The following EEFSEC variants were observed in gnomAD, a reference collection of about 807,000 sequenced individuals.
EEFSEC encodes eukaryotic elongation factor, selenocysteine-tRNA specific.
A neutral mutation model predicts 42.1 loss-of-function variants in EEFSEC; 43 were observed. The ratio of observed to expected loss-of-function variants is 1.02; its 90% CI spans 0.80 to 1.32. The LOEUF is 1.32. EEFSEC is among the 40% of genes most tolerant of loss of function. The pLI is 0.00. For synonymous variants in EEFSEC, 354 were observed against 339.1 expected (o/e 1.04, Z -0.48); for missense variants, 745 against 803.6 (o/e 0.93, Z 0.88).
chr3:128,292,634 G>T (rs2066656255), intron 4 of EEFSEC, among the ~76,000 whole-genome samples: 1 of 151,556 alleles, frequency 6.6e-6, no homozygotes, highest in African/African-American at 2.4e-5. Context: ...AATGTTTTTT[G>T]AATCTGTAGT....
chr3:128,273,113 G>A (rs984429403), intron 4 of EEFSEC, among the ~76,000 whole-genome samples: 1 of 152,188 alleles, frequency 6.6e-6, no homozygotes, highest in African/African-American at 2.4e-5. Context: ...TCTGCATCTT[G>A]TCTTTTCTTT....
intron 4 of EEFSEC, among the ~76,000 whole-genome samples, chr3:128,329,968 G>A (rs908821699): frequency 3.3e-5 from 5 of 152,184 alleles, no homozygotes; most frequent in Non-Finnish European, 4.4e-5. Context: ...GCTCCATGGC[G>A]GTGATGGCTT....
At chr3:128,282,788 C>T (rs963397725) in intron 4 of EEFSEC, among the ~76,000 whole-genome samples, 1 of 152,190 alleles carries the variant, frequency 6.6e-6, no homozygotes, top group Non-Finnish European at 1.5e-5. Flanking sequence ...TAGGCTGGCT[C>T]TGCCGCTGGT....
At position 128,278,917 on chromosome 3, in the gene EEFSEC, GGCAGCTGCTGCT is replaced by G. The variant is rs2066495689; in HGVS notation, c.786+14139_786+14150del. 2.0e-5 allele frequency among the ~76,000 whole-genome samples: 3 copies of G among 152,332 alleles called. No homozygotes were observed. In the South Asian group the frequency reaches 6.2e-4, roughly 32 times the overall value. The stretch of plus-strand genomic sequence containing the variant: ...TTGCAGCCTCCAATGCTGCTGCTGT[GGCAGCTGCTGCT>G]GCGAAACAAACCAGGGTGACTGGGC... On this transcript the variant is annotated intron_variant, in intron 4 of 6. Transcript: ENST00000254730.
At position 128,352,237 on chromosome 3, in the gene EEFSEC, G is replaced by A. The variant is rs58539904; in HGVS notation, c.1444-5980G>A. On this transcript the variant is annotated intron_variant, in intron 5 of 6. Coordinates refer to ENST00000254730, the MANE Select transcript of EEFSEC (RefSeq NM_021937.5). ...CTTCCTGAAGTTCTCCAGAGATGTA[G>A]GCCTCACAGCATCCTGTAGGAATGT... Among the ~76,000 whole-genome samples the A allele has an allele frequency of 7.9e-3, 1,204 of 152,330 alleles. 18 individuals are homozygous for A. Among genetic ancestry groups the A allele is most frequent in the African/African-American group, 0.028 (1,153 of 41,564 alleles).
At chr3:128,268,325 T>G (rs2066376910) in intron 4 of EEFSEC, among the ~76,000 whole-genome samples, 1 of 152,166 alleles carries the variant, frequency 6.6e-6, no homozygotes. Context: ...ATGATGACAT[T>G]AGGAACTTTT....
intron 1 of EEFSEC, among the ~76,000 whole-genome samples, chr3:128,241,096 T>A (rs1278665322): frequency 6.6e-6 from 1 of 152,134 alleles, no homozygotes; most frequent in Non-Finnish European, 1.5e-5. Context: ...AGGGTACTGT[T>A]GTAGAGCAAA....
At chr3:128,373,576 C>T (rs2067677916) in intron 6 of EEFSEC, among the ~76,000 whole-genome samples, 1 of 152,156 alleles carries the variant, frequency 6.6e-6, no homozygotes, top group African/African-American at 2.4e-5. Flanking sequence ...GGTGAGCAAC[C>T]CCTAGCTGGG....
At chr3:128,319,076 G>A (rs2066979646) in intron 4 of EEFSEC, among the ~76,000 whole-genome samples, 1 of 152,204 alleles carries the variant, frequency 6.6e-6, no homozygotes, top group Non-Finnish European at 1.5e-5. Flanking sequence ...CCATCAGAAA[G>A]AGAAAGCCTG....
intron 6 of EEFSEC, among the ~76,000 whole-genome samples, chr3:128,377,594 G>A (rs1189959147): frequency 1.3e-5 from 2 of 152,224 alleles, no homozygotes; most frequent in Non-Finnish European, 1.5e-5. Flanking sequence ...ACCTTGCCAA[G>A]GCCTTAATGG....
At chr3:128,312,568 G>T (rs960414852) in intron 4 of EEFSEC, among the ~76,000 whole-genome samples, 1 of 152,384 alleles carries the variant, frequency 6.6e-6, no homozygotes, top group South Asian at 2.1e-4. Context: ...AAGGACAGAG[G>T]CGTCCATGGT....
chr3:128,316,724 G>C (rs1576631782), intron 4 of EEFSEC, among the ~76,000 whole-genome samples: 1 of 152,168 alleles, frequency 6.6e-6, no homozygotes, highest in Non-Finnish European at 1.5e-5. Flanking sequence ...AGCAGCGTGG[G>C]GTTACCGCCC....
intron 6 of EEFSEC, among the ~76,000 whole-genome samples, chr3:128,376,036 C>G (rs140331235): frequency 6.6e-6 from 1 of 152,220 alleles, no homozygotes; most frequent in Non-Finnish European, 1.5e-5. Context: ...TGCCCTCCTT[C>G]AGGCAGCTGT....
chr3:128,391,170 T>A lies in EEFSEC; in HGVS notation c.1601-16899T>A, dbSNP rs1049742398. ...AGTAGGTGCTCGCTAGCATTCTTGA[T>A]TAAATGAATGCACAGACTCCCTGGC... On this transcript the variant is annotated intron_variant, in intron 6 of 6. Transcript: ENST00000254730. Among the ~76,000 whole-genome samples the A allele has an allele frequency of 4.6e-5, 7 of 152,376 alleles. No homozygotes were observed. In the South Asian group the frequency reaches 1.2e-3, roughly 27 times the overall value.
downstream of EEFSEC, among the ~76,000 whole-genome samples, chr3:128,410,118 G>A (rs2107644186): frequency 6.6e-6 from 1 of 152,318 alleles, no homozygotes; most frequent in African/African-American, 2.4e-5. Context: ...TGCTGTCCAG[G>A]CTGGTCACCT....
chr3:128,351,632 G>A (rs1341160621), intron 5 of EEFSEC, among the ~76,000 whole-genome samples: 1 of 152,188 alleles, frequency 6.6e-6, no homozygotes, highest in African/African-American at 2.4e-5. Flanking sequence ...CAATTCCCAA[G>A]CCTCATCATG....
intron 4 of EEFSEC, among the ~76,000 whole-genome samples, chr3:128,277,665 T>G (rs961974897): frequency 6.7e-6 from 1 of 148,888 alleles, no homozygotes; most frequent in African/African-American, 2.5e-5. Flanking sequence ...ATGTGTAGAT[T>G]AGGGTGAATC....
intron 4 of EEFSEC, among the ~76,000 whole-genome samples, chr3:128,270,930 G>T (rs2066406856): frequency 6.6e-6 from 1 of 152,134 alleles, no homozygotes; most frequent in South Asian, 2.1e-4. Context: ...TGGTCTCCCT[G>T]GGGGCAGAAG....
intron 1 of EEFSEC, among the ~76,000 whole-genome samples, chr3:128,161,503 G>A (rs139898370): frequency 0.011 from 1,631 of 152,168 alleles, 17 homozygotes; most frequent in Non-Finnish European, 0.016. Context: ...TGCCTCCTGC[G>A]TGGGTCTGAC....
Sources: gnomAD v4.1 joint callset for allele counts (sites outside exome capture counted in the v4.1 genomes callset) on GRCh38, gnomAD v4.1.1 for gene constraint, MANE v1.5 for transcripts, NCBI Gene and HGNC (gene_info 2026-07-23, HGNC 2026-07-21) for gene names.